The following PCM1 variants were observed in gnomAD, a reference collection of about 807,000 sequenced individuals.
PCM1 encodes pericentriolar material 1.
PCM1 carries 157 observed loss-of-function variants against 241.9 expected under a neutral mutation model. That is an observed-to-expected ratio of 0.65 (90% CI 0.57 to 0.74). The LOEUF (loss-of-function observed/expected upper bound fraction) is 0.74, where lower values mean the gene tolerates loss of function less well. PCM1 is among the 30% of genes least tolerant of loss of function. The pLI is 0.00. For missense variants in PCM1, 3,478 were observed against 2,360.1 expected (o/e 1.47, Z -9.81); for synonymous variants, 1,085 against 784.9 (o/e 1.38, Z -6.39).
chr8:17,932,640 C>A (rs986525397), intron 2 of PCM1, among the ~76,000 whole-genome samples: 1 of 151,198 alleles, frequency 6.6e-6, no homozygotes, highest in African/African-American at 2.4e-5. Flanking sequence ...TTTTTTTTCT[C>A]CCAAGCTCTC....
chr8:17,950,539 T>C (rs1440557010), intron 7 of PCM1, 76 bp from the exon 8 acceptor site: 5 of 759,710 alleles, frequency 6.6e-6, no homozygotes, highest in Non-Finnish European at 8.6e-6. Context: ...TTTTTTAAAT[T>C]TATTTTTAGC....
chr8:17,936,173 A>C (rs2060367567), intron 3 of PCM1, among the ~76,000 whole-genome samples: 1 of 152,156 alleles, frequency 6.6e-6, no homozygotes, highest in African/African-American at 2.4e-5. Context: ...GTTACCTCTT[A>C]GTTCCAATTT....
chr8:17,932,472 A>C (rs1563630893), intron 2 of PCM1, among the ~76,000 whole-genome samples: 1 of 152,184 alleles, frequency 6.6e-6, no homozygotes, highest in East Asian at 1.9e-4. Context: ...AAGTTAGCAA[A>C]TTTAATAGTT....
chr8:17,935,226 AT>A (rs1333527733), intron 2 of PCM1, among the ~76,000 whole-genome samples: 3 of 152,218 alleles, frequency 2.0e-5, no homozygotes, highest in African/African-American at 7.2e-5. Flanking sequence ...CAGAACAGAG[AT>A]ACTTTCTTTC....
At chr8:17,990,319 T>A (rs1331191299) in intron 27 of PCM1, among the ~76,000 whole-genome samples, 1 of 152,050 alleles carries the variant, frequency 6.6e-6, no homozygotes, top group Non-Finnish European at 1.5e-5. Context: ...GTCATCTAGT[T>A]AATTCATGGG....
chr8:17,951,331 C>G (rs1323558970), intron 8 of PCM1, among the ~76,000 whole-genome samples: 1 of 152,118 alleles, frequency 6.6e-6, no homozygotes, highest in African/African-American at 2.4e-5. Flanking sequence ...TTCTTGCTGA[C>G]CAAGTGAAAA....
rs1201739764 is a variant in PCM1, at chr8:17,937,512, G to T, written c.342+133G>T. 10 of 734,694 alleles carry T rather than the reference G, an allele frequency of 1.4e-5. No individual in the cohort carries two copies. In the South Asian group the frequency reaches 1.9e-4, roughly 14 times the overall value. 45.5% of individuals were successfully genotyped at this position (734,694 alleles called of 1,614,324 possible). On this transcript the variant is annotated intron_variant, in intron 4 of 38. Coordinates refer to ENST00000325083, the MANE Select transcript of PCM1 (RefSeq NM_006197.4). ...AAAAAAGTTTCTGTGCCTATGGAAA[G>T]AATTTTAATCACTGGGGATGGTCCT... is the stretch of plus-strand genomic sequence containing the variant.
Position 18,025,392 on chromosome 8 carries a change from C to A in PCM1, c.5873C>A (p.Ser1958Tyr). The A allele has an allele frequency of 6.2e-7, 1 of 1,600,760 alleles. No homozygotes were observed. The highest frequency in any genetic ancestry group is 8.5e-7 in the Non-Finnish European group (1 of 1,171,492). Reference protein sequence around the residue: ...EAESGNISQKSDEEDFVKVED... With the variant: ...EAESGNISQKYDEEDFVKVED... The stretch of plus-strand genomic sequence containing the variant: ...GAATCTGGTAATATAAGTCAAAAGT[C>A]TGATGAAGAAGATTTTGTAAAAGTT... Residue 1958 changes from serine to tyrosine, a missense_variant, in exon 37 of 39, where the codon TCT becomes TAT. By Grantham distance (144) the Ser-to-Tyr change is moderately radical. Transcript: ENST00000325083.
rs1317859924 is a variant in PCM1, at chr8:17,967,201, TA to T, written c.3412+35del. 102 of 1,490,700 alleles carry T rather than the reference TA, an allele frequency of 6.8e-5. 1 individual carries two copies. Among genetic ancestry groups the T allele is most frequent in the Non-Finnish European group, 9.2e-5 (101 of 1,094,414 alleles). 92.3% of individuals were successfully genotyped at this position (1,490,700 alleles called of 1,614,324 possible). A position where few individuals can be genotyped will look rare whatever the true frequency, so the allele number is the denominator to read the frequency against. ...TGACTTAACCTAAAGAGAAAATAAA[TA>T]AAAGCAAAGTGTTTGGAACAACGTA... is the stretch of plus-strand genomic sequence containing the variant. On this transcript the variant is annotated intron_variant, in intron 21 of 38. Transcript: ENST00000325083.
Position 18,025,393 on chromosome 8 carries a change from T to A in PCM1, c.5874T>A (p.Ser1958=), listed in dbSNP as rs778827587. 18 of 1,603,242 alleles carry A rather than the reference T, an allele frequency of 1.1e-5. No homozygotes were observed. In the Middle Eastern group the frequency reaches 6.6e-4, roughly 59 times the overall value. ...AATCTGGTAATATAAGTCAAAAGTCTGATGAAGAAGATTTTGTAAAAGTTG... is the reference window on the plus strand; with the variant it reads ...AATCTGGTAATATAAGTCAAAAGTCAGATGAAGAAGATTTTGTAAAAGTTG... The part of the protein sequence containing the change: ...EAESGNISQK[S]DEEDFVKVED... Residue 1958 remains serine, a synonymous_variant, in exon 37 of 39, where the codon TCT becomes TCA. Coordinates refer to ENST00000325083, the MANE Select transcript of PCM1 (RefSeq NM_006197.4).
intron 21 of PCM1, among the ~76,000 whole-genome samples, chr8:17,967,999 G>A (rs1433139669): frequency 6.6e-6 from 1 of 151,770 alleles, no homozygotes; most frequent in South Asian, 2.1e-4. Context: ...ACAGTGCCAC[G>A]GGTGCCATAA....
At chr8:18,009,843 AGTT>A (rs2092210187) in intron 31 of PCM1, 99 bp downstream of exon 31, 1 of 680,292 alleles carries the variant, frequency 1.5e-6, no homozygotes, top group African/African-American at 1.8e-5. Context: ...CAGCAAAAGT[AGTT>A]GTTTTTAGTA....
At chr8:18,008,166 T>C (rs2091829599) in intron 30 of PCM1, among the ~76,000 whole-genome samples, 1 of 152,138 alleles carries the variant, frequency 6.6e-6, no homozygotes, top group Admixed American at 6.6e-5. Context: ...AAGCTTCATC[T>C]GTATTTACAG....
intron 6 of PCM1, among the ~76,000 whole-genome samples, chr8:17,941,678 C>T (rs1054509825): frequency 3.3e-5 from 5 of 151,950 alleles, no homozygotes; most frequent in Admixed American, 6.6e-5. Context: ...AGAATTCGGC[C>T]GTGCATTGAG....
chr8:17,937,409 A>G (rs943841389), intron 4 of PCM1, 30 bp downstream of exon 4: 14 of 1,511,354 alleles, frequency 9.3e-6, no homozygotes, highest in East Asian at 2.3e-5. Flanking sequence ...AAATGAAGCT[A>G]TTACTGTGAG....
At chr8:17,939,901 G>C in intron 6 of PCM1, 40 bp downstream of exon 6, 1 of 1,226,606 alleles carries the variant, frequency 8.2e-7, no homozygotes, top group Non-Finnish European at 1.1e-6. Flanking sequence ...TATTTTTGTA[G>C]TATCTCAGTG....
At chr8:17,987,154 T>C (rs2082874026) in intron 26 of PCM1, among the ~76,000 whole-genome samples, 1 of 151,880 alleles carries the variant, frequency 6.6e-6, no homozygotes, top group South Asian at 2.1e-4. Context: ...AACTTTGCAA[T>C]GTGAAATGTA....
intron 10 of PCM1, among the ~76,000 whole-genome samples, chr8:17,956,128 C>T (rs2129460997): frequency 6.6e-6 from 1 of 152,226 alleles, no homozygotes; most frequent in Non-Finnish European, 1.5e-5. Flanking sequence ...AGTAAGAACT[C>T]AGCTAACTTA....
chr8:18,011,793 C>T lies in PCM1; in HGVS notation c.5477C>T (p.Thr1826Ile), dbSNP rs373118637. Residue 1826 changes from threonine (T) to isoleucine (I), a missense_variant, in exon 34 of 39, where the codon ACT becomes ATT. By Grantham distance (89) the Thr-to-Ile change is moderately conservative (BLOSUM62 -1). Coordinates refer to ENST00000325083, the MANE Select transcript of PCM1 (RefSeq NM_006197.4). ...GTCCAGACTTCCCTCCAGGCTAACA[C>T]TGAAGCTACTGAAGAAAATGAACAT... ...VDVQTSLQANTEATEENEHDE... is the reference protein window; with the variant it reads ...VDVQTSLQANIEATEENEHDE... 7 of 1,613,214 alleles carry T rather than the reference C, an allele frequency of 4.3e-6. No homozygotes were observed. Among genetic ancestry groups the T allele is most frequent in the Non-Finnish European group, 5.9e-6 (7 of 1,179,730 alleles).
Sources: allele counts gnomAD v4.1 joint callset (sites outside exome capture counted in the v4.1 genomes callset), GRCh38; gene constraint gnomAD v4.1.1; transcripts MANE v1.5; gene names NCBI Gene and HGNC (gene_info 2026-07-23, HGNC 2026-07-21).